The following CDYL variants were observed in gnomAD, a reference collection of about 807,000 sequenced individuals.
CDYL encodes the protein chromodomain Y-like protein.
A neutral mutation model predicts 47.3 loss-of-function variants in CDYL; 8 were observed. The ratio of observed to expected loss-of-function variants is 0.17; its 90% confidence interval spans 0.10 to 0.31. CDYL has a LOEUF of 0.31. Among genes scored for constraint, CDYL ranks in the 10% least tolerant of loss-of-function variants. The pLI is 1.00. For synonymous variants in CDYL, 266 were observed against 265.0 expected (o/e 1.00, Z -0.04); for missense variants, 471 against 701.4 (o/e 0.67, Z 3.71).
intron 2 of CDYL, among the ~76,000 whole-genome samples, chr6:4,733,475 G>A (rs1163115139): frequency 6.6e-6 from 1 of 151,158 alleles, no homozygotes; most frequent in Non-Finnish European, 1.5e-5. Flanking sequence ...AAAAGACAGA[G>A]ATCAAATGGA....
chr6:4,824,145 C>T (rs76950840), intron 1 of CDYL, among the ~76,000 whole-genome samples: 4,031 of 152,218 alleles, frequency 0.026, 184 homozygotes, highest in African/African-American at 0.091. Flanking sequence ...TGGACATATG[C>T]GTTGTTTCCA....
chr6:4,923,182 A>G (rs1209833757), intron 2 of CDYL, among the ~76,000 whole-genome samples: 1 of 152,144 alleles, frequency 6.6e-6, no homozygotes, highest in Admixed American at 6.5e-5. Flanking sequence ...CCTCCGGTCT[A>G]GCTTTAATTT....
At chr6:4,723,136 A>G (rs1001400185) in intron 2 of CDYL, among the ~76,000 whole-genome samples, 2 of 152,222 alleles carry the variant, frequency 1.3e-5, no homozygotes, top group African/African-American at 2.4e-5. Flanking sequence ...AGTAAAAGTA[A>G]TACAACAATA....
upstream of CDYL, chr6:4,774,787 A>AG (rs1758393825): frequency 6.6e-6 from 1 of 152,312 alleles, no homozygotes; most frequent in South Asian, 2.1e-4. Context: ...TGCTGCAGTG[A>AG]GCACGCGTGA....
At chr6:4,838,566 C>G (rs905291500) in intron 1 of CDYL, among the ~76,000 whole-genome samples, 4 of 152,128 alleles carry the variant, frequency 2.6e-5, no homozygotes, top group Non-Finnish European at 5.9e-5. Context: ...AAGTATTTGG[C>G]TGGTTCCATG....
At chr6:4,907,309 T>G (rs547241291) in intron 2 of CDYL, among the ~76,000 whole-genome samples, 6 of 152,390 alleles carry the variant, frequency 3.9e-5, no homozygotes, top group Admixed American at 1.3e-4. Context: ...GAAGAAAAGC[T>G]GACTGTCAGA....
intron 2 of CDYL, among the ~76,000 whole-genome samples, chr6:4,728,448 C>T (rs1757552265): frequency 6.6e-6 from 1 of 152,210 alleles, no homozygotes; most frequent in Non-Finnish European, 1.5e-5. Context: ...TCTTCCGTCC[C>T]GCTTGCTTCT....
At chr6:4,863,214 G>A (rs1189120415) in intron 1 of CDYL, among the ~76,000 whole-genome samples, 1 of 152,118 alleles carries the variant, frequency 6.6e-6, no homozygotes, top group Non-Finnish European at 1.5e-5. Flanking sequence ...GGGAGGGAGG[G>A]AAGGGATCAA....
intron 1 of CDYL, among the ~76,000 whole-genome samples, chr6:4,805,280 C>T (rs963631321): frequency 2.6e-5 from 4 of 152,176 alleles, no homozygotes; most frequent in Admixed American, 1.3e-4. Flanking sequence ...CTATTCTGCT[C>T]CCCATTGGGG....
At chr6:4,903,818 TTTTAAAGC>T (rs1757143680) in intron 2 of CDYL, among the ~76,000 whole-genome samples, 2 of 152,364 alleles carry the variant, frequency 1.3e-5, no homozygotes, top group African/African-American at 4.8e-5. Flanking sequence ...TGAGGCATCT[TTTTAAAGC>T]TTGCTTTTAG....
intron 3 of CDYL, among the ~76,000 whole-genome samples, chr6:4,757,958 A>G (rs989442681): frequency 1.3e-5 from 2 of 152,196 alleles, no homozygotes; most frequent in Non-Finnish European, 2.9e-5. Context: ...TAAACTATAC[A>G]TCTGTAAAAA....
rs1226838353 is a variant in CDYL at position 4,831,041 on chromosome 6, G to C, written c.24+54234G>C. 2.6e-5 allele frequency among the ~76,000 whole-genome samples: 4 copies of C among 151,932 alleles called. No individual in the cohort carries two copies. In the East Asian group the frequency reaches 7.7e-4, roughly 29 times the overall value. ...GGGTTGGTTCCAAGTCTTTGCTATT[G>C]TGAATAGTGCCGCAATAAACATACT... On this transcript the variant is annotated intron_variant, in intron 1 of 6. Coordinates refer to ENST00000397588, the MANE Select transcript of CDYL (RefSeq NM_004824.4).
chr6:4,833,799 G>A (rs889670234), intron 1 of CDYL, among the ~76,000 whole-genome samples: 3 of 151,734 alleles, frequency 2.0e-5, no homozygotes, highest in African/African-American at 7.3e-5. Context: ...AGCTCTTCTT[G>A]TTGAATTGAT....
intron 3 of CDYL, among the ~76,000 whole-genome samples, chr6:4,769,121 G>T (rs1001695421): frequency 6.6e-6 from 1 of 152,152 alleles, no homozygotes; most frequent in Non-Finnish European, 1.5e-5. Context: ...TCACAGATGG[G>T]ATCCCGGGGC....
intron 1 of CDYL, among the ~76,000 whole-genome samples, chr6:4,884,900 C>T (rs972089875): frequency 3.9e-5 from 6 of 152,152 alleles, no homozygotes; most frequent in Admixed American, 6.5e-5. Context: ...CGGTAGTCCC[C>T]GTTTACCCTT....
chr6:4,891,705 A>T lies in CDYL; in HGVS notation c.25-8A>T, dbSNP rs1299278078. ...TTTTTAAAACTATTTTTTTCCTTTT[A>T]TGAACAGGTTGAAAGGATTGTTGAC... is the stretch of plus-strand genomic sequence containing the variant. On this transcript the variant is annotated splice_polypyrimidine_tract_variant and splice_region_variant and intron_variant, in intron 1 of 6. Coordinates refer to ENST00000397588, the MANE Select transcript of CDYL (RefSeq NM_004824.4). 1 of 1,586,980 alleles carries T rather than the reference A, an allele frequency of 6.3e-7. No homozygotes were observed. The highest frequency in any genetic ancestry group is 8.6e-7 in the Non-Finnish European group (1 of 1,168,016).
At position 4,904,954 on chromosome 6, in the gene CDYL, A is replaced by C. The variant is rs79392427; in HGVS notation, c.691+12575A>C. 1.7e-3 allele frequency among the ~76,000 whole-genome samples: 253 copies of C among 151,884 alleles called. 6 individuals carry two copies. Among genetic ancestry groups the C allele is most frequent in the East Asian group, 0.016 (82 of 5,156 alleles). Reference sequence around the variant, plus strand: ...AATGGAGGTGTTTAATCACAAGAACACCTCCGCAGTGCCTGTGTGATCGGC... The same window carrying C: ...AATGGAGGTGTTTAATCACAAGAACCCCTCCGCAGTGCCTGTGTGATCGGC... On this transcript the variant is annotated intron_variant, in intron 2 of 6. Coordinates refer to ENST00000397588, the MANE Select transcript of CDYL (RefSeq NM_004824.4).
chr6:4,866,521 A>G (rs948722557), intron 1 of CDYL, among the ~76,000 whole-genome samples: 8 of 152,144 alleles, frequency 5.3e-5, no homozygotes, highest in African/African-American at 1.7e-4. Flanking sequence ...AACGTCATCA[A>G]TAAGTTCTTG....
chr6:4,750,442 C>G (rs1218215727), intron 3 of CDYL, among the ~76,000 whole-genome samples: 2 of 151,790 alleles, frequency 1.3e-5, no homozygotes, highest in Non-Finnish European at 2.9e-5. Context: ...CCTCAACTGA[C>G]CCACCTGCCT....
Sources: allele counts gnomAD v4.1 joint callset (sites outside exome capture counted in the v4.1 genomes callset), GRCh38; gene constraint gnomAD v4.1.1; transcripts MANE v1.5; gene names NCBI Gene and HGNC (gene_info 2026-07-23, HGNC 2026-07-21).